Variants in TBC1D5 observed in about 807,000 individuals in gnomAD.
TBC1D5 encodes the protein TBC1 domain family member 5.
TBC1D5 carries 75 observed loss-of-function variants against 100.3 expected under a neutral mutation model. That is an observed-to-expected ratio of 0.75 (90% confidence interval 0.62 to 0.91). TBC1D5 has a LOEUF of 0.91. TBC1D5 is among the 40% of genes least tolerant of loss of function. TBC1D5 has a pLI of 0.00. For missense variants in TBC1D5, 910 were observed against 942.4 expected (o/e 0.97, Z 0.45); for synonymous variants, 323 against 325.6 (o/e 0.99, Z 0.09).
intron 7 of TBC1D5, 149 bp downstream of exon 7, chr3:17,404,544 CA>C (rs2093721022): frequency 3.1e-6 from 2 of 644,548 alleles, no homozygotes; most frequent in Non-Finnish European, 2.6e-6. Context: ...AATGTAAAAT[CA>C]TTTCTACCAG....
chr3:17,654,301 C>A (rs866649475), intron 1 of TBC1D5, among the ~76,000 whole-genome samples: 13 of 152,086 alleles, frequency 8.5e-5, no homozygotes, highest in African/African-American at 3.1e-4. Flanking sequence ...AAATCTGTAA[C>A]CTTCTTCTTA....
chr3:17,317,745 C>T (rs1208423728), intron 13 of TBC1D5, among the ~76,000 whole-genome samples: 1 of 152,050 alleles, frequency 6.6e-6, no homozygotes, highest in Non-Finnish European at 1.5e-5. Flanking sequence ...GCATTTATAT[C>T]AATTTTTTGA....
At chr3:17,515,198 A>G (rs151001694) in intron 2 of TBC1D5, among the ~76,000 whole-genome samples, 66 of 152,310 alleles carry the variant, frequency 4.3e-4, no homozygotes, top group African/African-American at 1.5e-3. Flanking sequence ...CAAAAAAACC[A>G]ATGAACAAAA....
chr3:17,659,142 T>C (rs11918270), intron 1 of TBC1D5, among the ~76,000 whole-genome samples: 2,000 of 152,238 alleles, frequency 0.013, 49 homozygotes, highest in African/African-American at 0.045. Context: ...AGATCTACCA[T>C]TGAGAAAAAC....
chr3:17,431,303 A>T (rs998942510), intron 3 of TBC1D5, among the ~76,000 whole-genome samples: 27 of 151,982 alleles, frequency 1.8e-4, no homozygotes, highest in African/African-American at 5.8e-4. Context: ...AAAGACTATT[A>T]AATGGTCAAA....
rs114683861 is a variant in TBC1D5, at chr3:17,200,400, G to A, written c.1752+13807C>T. Among the ~76,000 whole-genome samples, 156 of 152,344 alleles carry A rather than the reference G, an allele frequency of 1.0e-3. 1 individual carries two copies. Among genetic ancestry groups the A allele is most frequent in the African/African-American group, 3.5e-3 (145 of 41,568 alleles). ...CATTACCACCTGAGTCCCACCTCCTGTCAGATCAGCAGCAGCATTAGATTC... is the reference window on the plus strand; with the variant it reads ...CATTACCACCTGAGTCCCACCTCCTATCAGATCAGCAGCAGCATTAGATTC... On this transcript the variant is annotated intron_variant, in intron 18 of 21. Transcript: ENST00000253692.
chr3:17,623,497 T>C (rs578115822), intron 2 of TBC1D5, among the ~76,000 whole-genome samples: 2 of 152,332 alleles, frequency 1.3e-5, no homozygotes, highest in Admixed American at 1.3e-4. Context: ...TATGTTTTAC[T>C]AGAAATGGCA....
At chr3:17,199,402 A>G (rs2071164157) in intron 18 of TBC1D5, among the ~76,000 whole-genome samples, 1 of 152,222 alleles carries the variant, frequency 6.6e-6, no homozygotes. Flanking sequence ...ATCATCACAT[A>G]TTGGTATCAT....
At chr3:17,245,783 C>T (rs2076688784) in intron 16 of TBC1D5, among the ~76,000 whole-genome samples, 2 of 152,066 alleles carry the variant, frequency 1.3e-5, no homozygotes, top group Non-Finnish European at 2.9e-5. Flanking sequence ...TAGTTTTGAA[C>T]TATTTGAATT....
At chr3:17,170,132 G>C (rs1434272118) in intron 19 of TBC1D5, among the ~76,000 whole-genome samples, 4 of 152,238 alleles carry the variant, frequency 2.6e-5, no homozygotes, top group Non-Finnish European at 5.9e-5. Context: ...TTAGAGGATT[G>C]AGAAAGATGA....
intron 3 of TBC1D5, among the ~76,000 whole-genome samples, chr3:17,487,686 A>G (rs1255758436): frequency 4.6e-5 from 7 of 152,210 alleles, no homozygotes; most frequent in South Asian, 2.1e-4. Context: ...AGTATTCAAC[A>G]TATTTCAAAT....
intron 13 of TBC1D5, among the ~76,000 whole-genome samples, chr3:17,361,422 T>C (rs1040259428): frequency 7.2e-5 from 11 of 151,940 alleles, no homozygotes; most frequent in Admixed American, 2.0e-4. Flanking sequence ...ATCAACCAAT[T>C]TGACCTGACA....
At chr3:17,284,219 G>A (rs1200174041) in intron 15 of TBC1D5, among the ~76,000 whole-genome samples, 1 of 152,028 alleles carries the variant, frequency 6.6e-6, no homozygotes, top group Non-Finnish European at 1.5e-5. Context: ...CCAAGTTCAA[G>A]CGATTCTCAT....
chr3:17,721,012 G>C (rs1222280081), intron 1 of TBC1D5, among the ~76,000 whole-genome samples: 1 of 151,678 alleles, frequency 6.6e-6, no homozygotes, highest in Admixed American at 6.6e-5. Flanking sequence ...AGTAATTTTT[G>C]TATTTGTTAG....
At chr3:17,533,647 G>C (rs775720278) in intron 2 of TBC1D5, among the ~76,000 whole-genome samples, 2 of 152,162 alleles carry the variant, frequency 1.3e-5, no homozygotes, top group Non-Finnish European at 2.9e-5. Context: ...AATAGATTTT[G>C]TGAATTGTCA....
chr3:17,437,525 T>G (rs2094556887), intron 3 of TBC1D5, among the ~76,000 whole-genome samples: 2 of 151,114 alleles, frequency 1.3e-5, no homozygotes, highest in Admixed American at 1.3e-4. Context: ...TATCTGATAA[T>G]CCAAATCACC....
Position 17,303,833 on chromosome 3 carries a change from CTTTTTTTTTT to C in TBC1D5, c.1138+4149_1138+4158del, listed in dbSNP as rs140988557. 5.9e-4 allele frequency among the ~76,000 whole-genome samples: 50 copies of C among 84,520 alleles called. No homozygotes were observed. In the South Asian group the frequency reaches 0.012, roughly 20 times the overall value. The allele number at this position is 84,520 out of a possible 152,430, so 55.4% of individuals were successfully genotyped here. A position where few individuals can be genotyped will look rare whatever the true frequency, so the allele number is the denominator to read the frequency against. ...TGGAAGCCTGGATCACAATCTACCT[CTTTTTTTTTT>C]TTTTTTTTTTTTTTTTTTGAGGCCA... On this transcript the variant is annotated intron_variant, in intron 14 of 21. Coordinates refer to ENST00000253692, the Ensembl canonical transcript of TBC1D5.
At chr3:17,289,671 T>C (rs2016228) in intron 15 of TBC1D5, among the ~76,000 whole-genome samples, 2,844 of 150,018 alleles carry the variant, frequency 0.019, 178 homozygotes, top group East Asian at 0.12. Context: ...AGACAAAGGA[T>C]GTTCTGCTTA....
chr3:17,413,600 T>G (rs2093992208), intron 4 of TBC1D5, among the ~76,000 whole-genome samples: 1 of 152,196 alleles, frequency 6.6e-6, no homozygotes, highest in African/African-American at 2.4e-5. Context: ...CTTCTAAATT[T>G]GTTAATATCT....
Sources: allele counts gnomAD v4.1 joint callset (sites outside exome capture counted in the v4.1 genomes callset), GRCh38; gene constraint gnomAD v4.1.1; transcripts MANE v1.5; gene names NCBI Gene and HGNC (gene_info 2026-07-23, HGNC 2026-07-21).